Variants in ATE1 observed in about 807,000 individuals in gnomAD.
The protein encoded by ATE1 is arginyltransferase 1, also known as arginyl-tRNA--protein transferase 1.
In ATE1, 36 loss-of-function variants were observed where a neutral mutation model predicts 70.5. That is an observed-to-expected ratio of 0.51 (90% CI 0.39 to 0.67). The LOEUF (loss-of-function observed/expected upper bound fraction) is 0.67, where lower values mean the gene tolerates loss of function less well. ATE1 is among the 30% of genes least tolerant of loss of function. The probability of loss-of-function intolerance (pLI) is 0.00; values close to 1 mark genes in which losing one functional copy is unlikely to be tolerated. For synonymous variants in ATE1, 232 were observed against 219.3 expected (o/e 1.06, Z -0.51); for missense variants, 593 against 629.5 (o/e 0.94, Z 0.62).
chr10:121,919,767 G>GGCA (rs1951807895), intron 3 of ATE1, among the ~76,000 whole-genome samples: 1 of 151,960 alleles, frequency 6.6e-6, no homozygotes, highest in Non-Finnish European at 1.5e-5. Flanking sequence ...GCCTAGCGGT[G>GGCA]GGCATCTGTA....
At chr10:121,842,835 G>A (rs942529865) in intron 8 of ATE1, among the ~76,000 whole-genome samples, 1 of 152,026 alleles carries the variant, frequency 6.6e-6, no homozygotes, top group Non-Finnish European at 1.5e-5. Flanking sequence ...AACAAACTGG[G>A]AACAGAGGAA....
chr10:121,802,109 A>AGTCTATATCCACTGCGTT (rs1946906091), intron 10 of ATE1, among the ~76,000 whole-genome samples: 1 of 152,150 alleles, frequency 6.6e-6, no homozygotes, highest in East Asian at 1.9e-4. Context: ...GTGTGCCCTT[A>AGTCTATATCCACTGCGTT]GTCTATATCC....
chr10:121,891,648 A>G (rs1351022819), intron 7 of ATE1, among the ~76,000 whole-genome samples: 2 of 152,184 alleles, frequency 1.3e-5, no homozygotes, highest in Non-Finnish European at 2.9e-5. Context: ...AATTGCTTAG[A>G]ATAGCCAGGC....
At chr10:121,916,723 T>C (rs1435863767) in intron 3 of ATE1, among the ~76,000 whole-genome samples, 3 of 151,936 alleles carry the variant, frequency 2.0e-5, no homozygotes, top group Non-Finnish European at 4.4e-5. Flanking sequence ...TAGTCCCAGC[T>C]ACTCGGGAGG....
chr10:121,853,611 T>C (rs1949138739), intron 8 of ATE1, among the ~76,000 whole-genome samples: 3 of 152,154 alleles, frequency 2.0e-5, no homozygotes, highest in Non-Finnish European at 4.4e-5. Context: ...AGATATGGCA[T>C]ACTTAATGTG....
At chr10:121,860,998 G>A (rs943210429) in intron 8 of ATE1, among the ~76,000 whole-genome samples, 1 of 152,190 alleles carries the variant, frequency 6.6e-6, no homozygotes, top group Non-Finnish European at 1.5e-5. Flanking sequence ...CTCAATGACT[G>A]CCAACATCAA....
intron 8 of ATE1, among the ~76,000 whole-genome samples, chr10:121,847,425 G>T (rs760210612): frequency 6.0e-5 from 9 of 148,980 alleles, no homozygotes; most frequent in Non-Finnish European, 8.9e-5. Flanking sequence ...TCCAGCCTGG[G>T]TAACAGAGCG....
At position 121,891,344 on chromosome 10, in the gene ATE1, A is replaced by G. The variant is rs549244174; in HGVS notation, c.942+8522T>C. ...CACCAGGTGGTGGCCATGATACCTG[A>G]ACATGTGATTTTACATGGAGGTTAC... On this transcript the variant is annotated intron_variant, in intron 7 of 11. Coordinates refer to ENST00000224652, the MANE Select transcript of ATE1 (RefSeq NM_001001976.3). Among the ~76,000 whole-genome samples the G allele has an allele frequency of 6.6e-5, 10 of 152,214 alleles. No individual in the cohort carries two copies. The South Asian group carries it at 8.3e-4, about 13-fold the overall frequency.
At chr10:121,839,507 C>G (rs1034357314) in intron 9 of ATE1, among the ~76,000 whole-genome samples, 31 of 152,090 alleles carry the variant, frequency 2.0e-4, no homozygotes, top group Admixed American at 1.2e-3. Context: ...GAAAATATAT[C>G]TTTTCTGAAA....
chr10:121,819,697 A>AAC (rs1484470196), intron 10 of ATE1, among the ~76,000 whole-genome samples: 1 of 150,100 alleles, frequency 6.7e-6, no homozygotes, highest in Non-Finnish European at 1.5e-5. Context: ...AAAAAAAAAA[A>AAC]AAAAGACTAC....
At chr10:121,834,369 C>T (rs1446983975) in intron 10 of ATE1, among the ~76,000 whole-genome samples, 1 of 152,068 alleles carries the variant, frequency 6.6e-6, no homozygotes. Context: ...TAAACATTTC[C>T]TGGATGAAGG....
chr10:121,779,459 CCTA>C (rs896932045), intron 11 of ATE1, among the ~76,000 whole-genome samples: 1 of 152,184 alleles, frequency 6.6e-6, no homozygotes, highest in Non-Finnish European at 1.5e-5. Context: ...AAGTGCTCAA[CCTA>C]CTGTTGCCAC....
chr10:121,910,684 T>C (rs939249701), intron 5 of ATE1, among the ~76,000 whole-genome samples: 1 of 152,200 alleles, frequency 6.6e-6, no homozygotes, highest in Non-Finnish European at 1.5e-5. Flanking sequence ...AAAATATCTG[T>C]ATTTAGGGAT....
At chr10:121,879,326 TCCTG>T (rs1226364558) in intron 7 of ATE1, among the ~76,000 whole-genome samples, 1 of 152,190 alleles carries the variant, frequency 6.6e-6, no homozygotes, top group African/African-American at 2.4e-5. Flanking sequence ...CTGAGCCTCT[TCCTG>T]ATATCCTTAT....
At chr10:121,888,506 C>T (rs1950478263) in intron 7 of ATE1, among the ~76,000 whole-genome samples, 1 of 152,150 alleles carries the variant, frequency 6.6e-6, no homozygotes, top group Non-Finnish European at 1.5e-5. Flanking sequence ...TGAAGGACAA[C>T]CGACATTACA....
chr10:121,776,745 C>T lies in ATE1; in HGVS notation c.1378+13424G>A, dbSNP rs140624277. On this transcript the variant is annotated intron_variant, in intron 11 of 11. Coordinates refer to ENST00000224652, the MANE Select transcript of ATE1 (RefSeq NM_001001976.3). ...CTGTGTAAGTGTGCACGCATGCACG[C>T]GTGTGCACAGATACATGAAAGTGAG... Among the ~76,000 whole-genome samples the T allele has an allele frequency of 3.4e-3, 518 of 152,334 alleles. 4 individuals carry two copies. The highest frequency in any genetic ancestry group is 0.01 in the African/African-American group (427 of 41,580).
intron 7 of ATE1, among the ~76,000 whole-genome samples, chr10:121,880,056 T>C (rs542959351): frequency 1.1e-4 from 16 of 152,148 alleles, no homozygotes; most frequent in African/African-American, 3.1e-4. Flanking sequence ...GAAATCAAAA[T>C]TAGCAGGAAA....
At chr10:121,906,364 C>A (rs913063494) in intron 5 of ATE1, among the ~76,000 whole-genome samples, 1 of 152,016 alleles carries the variant, frequency 6.6e-6, no homozygotes, top group African/African-American at 2.4e-5. Context: ...CCCCTCTCTA[C>A]TAAAAATACA....
intron 11 of ATE1, among the ~76,000 whole-genome samples, chr10:121,773,176 C>G (rs969431765): frequency 3.3e-5 from 5 of 152,200 alleles, no homozygotes; most frequent in African/African-American, 1.2e-4. Context: ...CATTTGTTAT[C>G]TGCTGATTTA....
Sources: gnomAD v4.1 joint callset for allele counts (sites outside exome capture counted in the v4.1 genomes callset) on GRCh38, gnomAD v4.1.1 for gene constraint, MANE v1.5 for transcripts, NCBI Gene and HGNC (gene_info 2026-07-23, HGNC 2026-07-21) for gene names.